The following GSDMC variants were observed in gnomAD, a reference collection of about 807,000 sequenced individuals.
GSDMC encodes gasdermin C, also known as gasdermin-C.
In GSDMC, 59 loss-of-function variants were observed where a neutral mutation model predicts 58.0. The observed-to-expected ratio is 1.02, with a 90% CI of 0.82 to 1.26. The LOEUF (loss-of-function observed/expected upper bound fraction) is 1.26. GSDMC is among the 50% of genes most tolerant of loss of function. GSDMC has a pLI of 0.00. For missense variants in GSDMC, 659 were observed against 598.5 expected, an observed-to-expected ratio of 1.10 and a Z score of -1.06; for synonymous variants, 241 against 220.2, an observed-to-expected ratio of 1.09 and a Z score of -0.83.
chr8:129,729,260 G>A, the GSDMC span: 1 of 621,844 alleles, frequency 1.6e-6, no homozygotes, highest in South Asian at 1.5e-5. Flanking sequence ...ACTTAGACAT[G>A]TATCTGCCAG....
At chr8:129,772,588 T>C (rs945727553) in intron 3 of GSDMC, among the ~76,000 whole-genome samples, 1 of 151,928 alleles carries the variant, frequency 6.6e-6, no homozygotes, top group Non-Finnish European at 1.5e-5. Flanking sequence ...AAATAGAAAA[T>C]ATAAACATAT....
chr8:129,751,828 T>TCCCCCCCCC, intron 9 of GSDMC, 34 bp downstream of exon 9: 7 of 1,576,982 alleles, frequency 4.4e-6, no homozygotes, highest in Non-Finnish European at 4.4e-6. Context: ...CAGGATGGGA[T>TCCCCCCCCC]CCCCACCCCC....
At chr8:129,708,964 T>C in the GSDMC span, among the ~76,000 whole-genome samples, 1 of 152,216 alleles carries the variant, frequency 6.6e-6, no homozygotes, top group African/African-American at 2.4e-5. Flanking sequence ...GGGGAAATAA[T>C]GCCTTCCTCA....
At position 129,752,061 on chromosome 8, in the gene GSDMC, T is replaced by G. The variant is rs374320142; in HGVS notation, c.886+45A>C. The stretch of plus-strand genomic sequence containing the variant: ...CACCAAAGGCAATCAGGTGGTTTTT[T>G]GTTGTGCAGATTGTCCTGGAAGGGG... On this transcript the variant is annotated intron_variant, in intron 8 of 13. Transcript: ENST00000276708. The G allele has an allele frequency of 7.0e-4, 1,109 of 1,582,584 alleles. 2 individuals carry two copies. The highest frequency in any genetic ancestry group is 9.2e-4 in the Non-Finnish European group (1,061 of 1,151,278).
chr8:129,774,440 A>T (rs936539002), intron 3 of GSDMC, among the ~76,000 whole-genome samples: 29 of 152,140 alleles, frequency 1.9e-4, no homozygotes, highest in Non-Finnish European at 4.0e-4. Flanking sequence ...GAACCTTAAA[A>T]CATTTTTAGA....
At chr8:129,764,026 T>G (rs1271810113) in intron 4 of GSDMC, among the ~76,000 whole-genome samples, 4 of 152,230 alleles carry the variant, frequency 2.6e-5, no homozygotes, top group Non-Finnish European at 5.9e-5. Flanking sequence ...GCTATAAATA[T>G]CCTTTTTGCA....
intron 2 of GSDMC, among the ~76,000 whole-genome samples, chr8:129,776,886 G>C (rs545962086): frequency 1.3e-5 from 2 of 151,814 alleles, no homozygotes; most frequent in South Asian, 4.2e-4. Context: ...TCAGCCTCCC[G>C]AGTAGCTGGG....
intron 6 of GSDMC, among the ~76,000 whole-genome samples, chr8:129,759,948 G>A (rs1397224288): frequency 1.3e-5 from 2 of 151,992 alleles, no homozygotes; most frequent in Non-Finnish European, 2.9e-5. Flanking sequence ...GTCAAGATTT[G>A]GAAGCAAACT....
At chr8:129,730,441 T>A in the GSDMC span, 1 of 1,085,190 alleles carries the variant, frequency 9.2e-7, no homozygotes, top group Non-Finnish European at 1.3e-6. Context: ...TCCCAAAAAG[T>A]TTAAGTTGAT....
At chr8:129,707,342 G>A in the GSDMC span, among the ~76,000 whole-genome samples, 1 of 152,146 alleles carries the variant, frequency 6.6e-6, no homozygotes, top group East Asian at 1.9e-4. Flanking sequence ...TGTTCAAAAT[G>A]CAGGGAAAAC....
chr8:129,749,647 T>C, intron 12 of GSDMC, 122 bp from the exon 13 acceptor site: 1 of 758,722 alleles, frequency 1.3e-6, no homozygotes, highest in South Asian at 1.6e-5. Flanking sequence ...CCCATTAGAC[T>C]TGAAGGTCAA....
chr8:129,729,129 G>T, the GSDMC span: 1 of 654,846 alleles, frequency 1.5e-6, no homozygotes, highest in Non-Finnish European at 2.9e-6. Flanking sequence ...GTAACTGCAG[G>T]AGTTGGAAGA....
At chr8:129,711,974 G>T in the GSDMC span, among the ~76,000 whole-genome samples, 1 of 152,054 alleles carries the variant, frequency 6.6e-6, no homozygotes, top group African/African-American at 2.4e-5. Context: ...AATAATAAAA[G>T]GGCCTGGCAT....
chr8:129,765,248 A>T (rs1221251820), intron 4 of GSDMC, among the ~76,000 whole-genome samples: 3 of 152,192 alleles, frequency 2.0e-5, no homozygotes, highest in Non-Finnish European at 2.9e-5. Context: ...AAGTACTTTA[A>T]CAACCGGGGT....
chr8:129,741,271 G>C, the GSDMC span, among the ~76,000 whole-genome samples: 1 of 152,062 alleles, frequency 6.6e-6, no homozygotes, highest in Non-Finnish European at 1.5e-5. Flanking sequence ...TTTAAAATCA[G>C]AAACTGTGAT....
At chr8:129,749,241 G>A (rs1221863269) in intron 13 of GSDMC, among the ~76,000 whole-genome samples, 2 of 152,082 alleles carry the variant, frequency 1.3e-5, no homozygotes, top group African/African-American at 2.4e-5. Flanking sequence ...GGATTGCCAT[G>A]GAAACTAAGA....
intron 6 of GSDMC, among the ~76,000 whole-genome samples, chr8:129,754,762 T>G (rs1487153647): frequency 6.6e-6 from 1 of 151,956 alleles, no homozygotes; most frequent in Non-Finnish European, 1.5e-5. Flanking sequence ...AAAAAGAAAT[T>G]GAAATAATTA....
At chr8:129,709,174 T>C in the GSDMC span, among the ~76,000 whole-genome samples, 410 of 55,654 alleles carry the variant, frequency 7.4e-3, 4 homozygotes, top group African/African-American at 0.14. Flanking sequence ...TTCCCCCTTC[T>C]TTTTTTTTTT....
chr8:129,733,465 A>G, the GSDMC span, among the ~76,000 whole-genome samples: 1 of 152,214 alleles, frequency 6.6e-6, no homozygotes, highest in Non-Finnish European at 1.5e-5. Flanking sequence ...AAACTTCCAG[A>G]GGAAGGATCA....
Sources: gnomAD v4.1 joint callset for allele counts (sites outside exome capture counted in the v4.1 genomes callset) on GRCh38, gnomAD v4.1.1 for gene constraint, MANE v1.5 for transcripts, NCBI Gene and HGNC (gene_info 2026-07-23, HGNC 2026-07-21) for gene names.